The following THEMIS variants were observed in gnomAD, a reference collection of about 807,000 sequenced individuals.
The protein encoded by THEMIS is thymocyte selection associated.
THEMIS carries 37 observed loss-of-function variants against 52.6 expected under a neutral mutation model. The observed-to-expected ratio is 0.70, with a 90% CI of 0.54 to 0.93. THEMIS has a LOEUF of 0.93. Ranked by LOEUF, THEMIS falls within the 40% of genes least tolerant of loss-of-function variation. THEMIS has a pLI of 0.00. For missense variants in THEMIS, 808 were observed against 763.1 expected (o/e 1.06, Z -0.69); for synonymous variants, 292 against 272.7 (o/e 1.07, Z -0.70).
chr6:127,840,565 A>G (rs547092862), intron 2 of THEMIS, among the ~76,000 whole-genome samples: 1 of 152,250 alleles, frequency 6.6e-6, no homozygotes, highest in South Asian at 2.1e-4. Context: ...TACAACATGC[A>G]TGTGTTACTT....
At chr6:127,810,017 TA>T (rs1022349631) in intron 4 of THEMIS, among the ~76,000 whole-genome samples, 2 of 151,332 alleles carry the variant, frequency 1.3e-5, no homozygotes, top group Non-Finnish European at 2.9e-5. Context: ...GTCTGACCAG[TA>T]AAAAAACAGC....
At position 127,836,866 on chromosome 6, in the gene THEMIS, A is replaced by T. The variant is rs117329870; in HGVS notation, c.251-6932T>A. ...TCCTCTCTGGAAGCTTTGACCTGGT[A>T]CCTGGTCAGCACGAACACCTGAACA... On this transcript the variant is annotated intron_variant, in intron 2 of 5. Transcript: ENST00000368248. Among the ~76,000 whole-genome samples, 61 of 152,200 alleles carry T rather than the reference A, an allele frequency of 4.0e-4. 1 individual carries two copies. Among genetic ancestry groups the T allele is most frequent in the African/African-American group, 1.4e-3 (57 of 41,552 alleles).
intron 4 of THEMIS, among the ~76,000 whole-genome samples, chr6:127,729,426 C>G (rs1774679041): frequency 6.6e-6 from 1 of 152,118 alleles, no homozygotes; most frequent in Non-Finnish European, 1.5e-5. Context: ...GGAAATCCAG[C>G]ATTCCTCATT....
rs141623918 is a variant in THEMIS, at chr6:127,855,182, A to G, written c.98T>C (p.Ile33Thr). 28 of 1,594,564 alleles carry G rather than the reference A, an allele frequency of 1.8e-5. No homozygotes were observed. The highest frequency in any genetic ancestry group is 8.1e-5 in the African/African-American group (6 of 73,668). Residue 33 changes from isoleucine (I) to threonine (T), a missense_variant, in exon 2 of 6, where the codon ATT becomes ACT. By Grantham distance (89) the Ile-to-Thr change is moderately conservative. Transcript: ENST00000368248. ...IQAGIYLEGS[I>T]YEMFGNECCF... ...GCATTCATTTCCAAACATTTCATAA[A>G]TAGAGCCTAAAAGGAAAGAAAAGTT...
At chr6:127,841,428 G>T (rs965142187) in intron 2 of THEMIS, among the ~76,000 whole-genome samples, 1 of 151,960 alleles carries the variant, frequency 6.6e-6, no homozygotes, top group Non-Finnish European at 1.5e-5. Context: ...GAATTGTGCC[G>T]GTAAGAAAGA....
chr6:127,900,156 T>C (rs1483025269), intron 1 of THEMIS, among the ~76,000 whole-genome samples: 2 of 151,764 alleles, frequency 1.3e-5, no homozygotes, highest in South Asian at 2.1e-4. Context: ...AAACTAACCA[T>C]GTAAAGATTC....
At chr6:127,889,467 G>A (rs1464363438) in intron 1 of THEMIS, among the ~76,000 whole-genome samples, 3 of 152,052 alleles carry the variant, frequency 2.0e-5, no homozygotes, top group Non-Finnish European at 2.9e-5. Flanking sequence ...ATCTGAGAGG[G>A]ACTCATAACA....
chr6:127,787,579 T>C (rs943467022), intron 4 of THEMIS, among the ~76,000 whole-genome samples: 2 of 152,172 alleles, frequency 1.3e-5, no homozygotes, highest in Admixed American at 6.6e-5. Context: ...AAGAACTCCA[T>C]ACTGTAAACA....
At chr6:127,822,986 T>G (rs1255402444) in intron 3 of THEMIS, among the ~76,000 whole-genome samples, 1 of 152,176 alleles carries the variant, frequency 6.6e-6, no homozygotes, top group Non-Finnish European at 1.5e-5. Flanking sequence ...ACAAATATTT[T>G]TATTTACATA....
intron 1 of THEMIS, among the ~76,000 whole-genome samples, chr6:127,886,232 G>A (rs1372606606): frequency 6.6e-6 from 1 of 152,086 alleles, no homozygotes; most frequent in Non-Finnish European, 1.5e-5. Flanking sequence ...TTCCCAGCAT[G>A]CTTTGTAAAT....
chr6:127,765,892 A>T (rs1776181334), intron 4 of THEMIS, among the ~76,000 whole-genome samples: 1 of 152,156 alleles, frequency 6.6e-6, no homozygotes, highest in African/African-American at 2.4e-5. Context: ...AACATATCAT[A>T]GTCAATAATC....
intron 4 of THEMIS, among the ~76,000 whole-genome samples, chr6:127,785,610 G>A (rs147201091): frequency 1.8e-4 from 28 of 151,662 alleles, no homozygotes; most frequent in African/African-American, 6.5e-4. Flanking sequence ...AAATATAATC[G>A]TTAAAATATC....
At chr6:127,768,410 T>C (rs561014451) in intron 4 of THEMIS, among the ~76,000 whole-genome samples, 38 of 152,280 alleles carry the variant, frequency 2.5e-4, no homozygotes, top group Non-Finnish European at 4.9e-4. Flanking sequence ...AAAGTGTAAA[T>C]ATTTTTGCTT....
intron 1 of THEMIS, among the ~76,000 whole-genome samples, chr6:127,881,351 G>A (rs554938143): frequency 4.5e-4 from 68 of 151,826 alleles, no homozygotes; most frequent in Admixed American, 1.2e-3. Context: ...TGAAAATCTA[G>A]CAGATAATAA....
chr6:127,855,193 A>G lies in THEMIS; in HGVS notation c.92-5T>C, dbSNP rs559540020. The G allele has an allele frequency of 1.2e-5, 19 of 1,579,308 alleles. No individual in the cohort carries two copies. The East Asian group carries it at 3.8e-4, about 32-fold the overall frequency. Reference sequence around the variant, plus strand: ...CAAACATTTCATAAATAGAGCCTAAAAGGAAAGAAAAGTTAAAACAGCTTT... The same window carrying G: ...CAAACATTTCATAAATAGAGCCTAAGAGGAAAGAAAAGTTAAAACAGCTTT... On this transcript the variant is annotated splice_region_variant and splice_polypyrimidine_tract_variant and intron_variant, in intron 1 of 5. Transcript: ENST00000368248.
chr6:127,877,499 AG>A (rs1255396567), intron 1 of THEMIS, among the ~76,000 whole-genome samples: 18 of 152,252 alleles, frequency 1.2e-4, no homozygotes, highest in African/African-American at 4.1e-4. Flanking sequence ...AGGCCAGCAT[AG>A]GGTTATTAAT....
the THEMIS span, among the ~76,000 whole-genome samples, chr6:127,703,035 G>GGTTTTTTTTTTTTTTT: frequency 2.5e-3 from 205 of 82,366 alleles, 43 homozygotes; most frequent in Non-Finnish European, 3.6e-3. Context: ...TTTAGAATGA[G>GGTTTTTTTTTTTTTTT]TTTTTTTTTT....
chr6:127,745,274 G>A (rs755792648), intron 4 of THEMIS, among the ~76,000 whole-genome samples: 1 of 151,746 alleles, frequency 6.6e-6, no homozygotes, highest in Non-Finnish European at 1.5e-5. Context: ...ATATGCCTAA[G>A]CAATTAATCT....
chr6:127,874,381 A>T lies in THEMIS; in HGVS notation c.92-19193T>A, dbSNP rs188864817. 1.5e-3 allele frequency among the ~76,000 whole-genome samples: 222 copies of T among 151,742 alleles called. 2 individuals are homozygous for T. Among genetic ancestry groups the T allele is most frequent in the Middle Eastern group, 6.8e-3 (2 of 294 alleles). On this transcript the variant is annotated intron_variant, in intron 1 of 5. Coordinates refer to ENST00000368248, the MANE Select transcript of THEMIS (RefSeq NM_001010923.3). ...AGCACCATAAACAGTCTGTAAAGGC[A>T]TGTGCAAGTTTTGAAAAATGTTAAC...
Sources: allele counts gnomAD v4.1 joint callset (sites outside exome capture counted in the v4.1 genomes callset), GRCh38; gene constraint gnomAD v4.1.1; transcripts MANE v1.5; gene names NCBI Gene and HGNC (gene_info 2026-07-23, HGNC 2026-07-21).